Variants in GLIS3 observed in about 807,000 individuals in gnomAD.
GLIS3 encodes the protein zinc finger protein GLIS3.
A neutral mutation model predicts 78.6 loss-of-function variants in GLIS3; 53 were observed. The observed-to-expected ratio is 0.67, with a 90% confidence interval of 0.54 to 0.85. GLIS3 has a LOEUF of 0.85. Ranked by LOEUF, GLIS3 falls within the 40% of genes least tolerant of loss-of-function variation. The pLI, the probability that GLIS3 is intolerant of heterozygous loss-of-function variation, is 0.00. For missense variants in GLIS3, 1,703 were observed against 1,231.1 expected, an observed-to-expected ratio of 1.38 and a Z score of -5.74; for synonymous variants, 684 against 509.9, an observed-to-expected ratio of 1.34 and a Z score of -4.60.
At chr9:4,447,813 C>G in the GLIS3 span, among the ~76,000 whole-genome samples, 2 of 152,238 alleles carry the variant, frequency 1.3e-5, no homozygotes, top group South Asian at 2.1e-4. Flanking sequence ...GAGCCCAGTC[C>G]TCTGTTCAAA....
At chr9:4,188,468 G>T (rs1304603665) in intron 2 of GLIS3, among the ~76,000 whole-genome samples, 1 of 149,858 alleles carries the variant, frequency 6.7e-6, no homozygotes, top group Admixed American at 6.7e-5. Context: ...TTTTTTGGTT[G>T]TGTCTCTGCC....
intron 5 of GLIS3, 113 bp downstream of exon 5, chr9:3,936,915 T>C: frequency 7.0e-6 from 10 of 1,428,098 alleles, no homozygotes; most frequent in Non-Finnish European, 9.8e-6. Context: ...CCCTTGGCAT[T>C]GTCCCTGTAA....
At chr9:4,172,710 G>A (rs560725091) in intron 2 of GLIS3, among the ~76,000 whole-genome samples, 22 of 152,274 alleles carry the variant, frequency 1.4e-4, no homozygotes, top group Middle Eastern at 3.4e-3. Context: ...TTAGGGTGAG[G>A]AAAGTCTATA....
chr9:4,164,383 A>T (rs1049079438), intron 2 of GLIS3, among the ~76,000 whole-genome samples: 3 of 152,240 alleles, frequency 2.0e-5, no homozygotes, highest in African/African-American at 7.2e-5. Context: ...TTGCTAATTA[A>T]TTGGAATTTT....
chr9:4,208,136 G>A (rs1286262221), intron 2 of GLIS3, among the ~76,000 whole-genome samples: 1 of 152,168 alleles, frequency 6.6e-6, no homozygotes, highest in African/African-American at 2.4e-5. Context: ...AGTCCCCTGG[G>A]AGAAAAGCTT....
At chr9:3,830,323 A>G (rs1445491426) in intron 9 of GLIS3, among the ~76,000 whole-genome samples, 2 of 152,032 alleles carry the variant, frequency 1.3e-5, no homozygotes, top group African/African-American at 4.8e-5. Context: ...CTCATAATAC[A>G]TTTAAGTCAA....
intron 4 of GLIS3, among the ~76,000 whole-genome samples, chr9:4,073,150 A>C (rs1301396737): frequency 6.6e-6 from 1 of 152,142 alleles, no homozygotes; most frequent in Non-Finnish European, 1.5e-5. Flanking sequence ...CCTGTTCCTC[A>C]AACACCCATC....
At chr9:4,332,590 G>C (rs1478494139) in intron 2 of GLIS3, among the ~76,000 whole-genome samples, 1 of 152,230 alleles carries the variant, frequency 6.6e-6, no homozygotes, top group African/African-American at 2.4e-5. Context: ...GAGCAGACCA[G>C]CCCACCTGGG....
At chr9:4,476,440 C>A in the GLIS3 span, among the ~76,000 whole-genome samples, 1 of 152,076 alleles carries the variant, frequency 6.6e-6, no homozygotes, top group Middle Eastern at 3.2e-3. Context: ...CAGCTCACTG[C>A]AACCTCCGCC....
At chr9:4,347,119 T>G (rs536442863) in exon 2 of GLIS3, 68 of 152,736 alleles carry the variant, frequency 4.5e-4, no homozygotes, top group African/African-American at 1.6e-3. Flanking sequence ...TGCTGTCATC[T>G]GCTTGGCTTC....
At chr9:4,261,154 A>G (rs115370690) in intron 2 of GLIS3, among the ~76,000 whole-genome samples, 1 of 152,324 alleles carries the variant, frequency 6.6e-6, no homozygotes, top group East Asian at 1.9e-4. Flanking sequence ...AACTCATCCC[A>G]AGGTAAAATT....
intron 4 of GLIS3, among the ~76,000 whole-genome samples, chr9:4,111,581 C>G (rs1831212342): frequency 6.6e-6 from 1 of 152,132 alleles, no homozygotes; most frequent in South Asian, 2.1e-4. Flanking sequence ...TGGTCAATGC[C>G]CCATCTAATG....
intron 4 of GLIS3, among the ~76,000 whole-genome samples, chr9:4,069,970 G>A (rs1008278796): frequency 2.0e-5 from 3 of 152,016 alleles, no homozygotes; most frequent in African/African-American, 7.2e-5. Context: ...ACTGTCAGAG[G>A]CCAGGAGAGA....
chr9:4,038,149 G>A (rs990460628), intron 4 of GLIS3, among the ~76,000 whole-genome samples: 1 of 152,172 alleles, frequency 6.6e-6, no homozygotes. Flanking sequence ...AGTAAATTTT[G>A]TCACTCTTGG....
At chr9:4,400,303 TG>T in the GLIS3 span, among the ~76,000 whole-genome samples, 268 of 152,276 alleles carry the variant, frequency 1.8e-3, no homozygotes, top group Admixed American at 3.3e-3. Flanking sequence ...CAAGAAATGA[TG>T]GTGACCTGAA....
At chr9:4,172,693 C>T (rs1816477833) in intron 2 of GLIS3, among the ~76,000 whole-genome samples, 1 of 152,152 alleles carries the variant, frequency 6.6e-6, no homozygotes, top group Admixed American at 6.6e-5. Context: ...CCTGTCCTCT[C>T]CACAGGTTAG....
At chr9:4,365,939 C>G in the GLIS3 span, among the ~76,000 whole-genome samples, 2 of 152,138 alleles carry the variant, frequency 1.3e-5, no homozygotes, top group African/African-American at 4.8e-5. Context: ...AGAGTCTATT[C>G]AAATCAGTTT....
chr9:4,126,036 G>A (rs550638294), intron 2 of GLIS3, 95 bp from the exon 3 acceptor site: 19 of 935,058 alleles, frequency 2.0e-5, no homozygotes, highest in Non-Finnish European at 2.9e-5. Context: ...CCCATCTTTA[G>A]AGACAGTCCT....
chr9:4,096,790 T>G (rs751730660), intron 4 of GLIS3, among the ~76,000 whole-genome samples: 1 of 152,258 alleles, frequency 6.6e-6, no homozygotes, highest in South Asian at 2.1e-4. Context: ...GGCAGGTGGA[T>G]TGCTTGAACC....
Sources: gnomAD v4.1 joint callset for allele counts (sites outside exome capture counted in the v4.1 genomes callset) on GRCh38, gnomAD v4.1.1 for gene constraint, MANE v1.5 for transcripts, NCBI Gene and HGNC (gene_info 2026-07-23, HGNC 2026-07-21) for gene names.